SUN1: variants seen among roughly 807,000 people sequenced by gnomAD.
SUN1 encodes Sad1 and UNC84 domain containing 1, also known as SUN domain-containing protein 1.
SUN1 carries 61 observed loss-of-function variants against 103.2 expected under a neutral mutation model. The observed-to-expected ratio is 0.59, with a 90% CI of 0.48 to 0.73. The LOEUF is 0.73. SUN1 is among the 30% of genes least tolerant of loss of function. The pLI, the probability that SUN1 is intolerant of heterozygous loss-of-function variation, is 0.00. For synonymous variants in SUN1, 490 were observed against 425.7 expected, an observed-to-expected ratio of 1.15 and a Z score of -1.86; for missense variants, 1,052 against 1,034.6, an observed-to-expected ratio of 1.02 and a Z score of -0.23.
At chr7:862,324 G>C (rs1832849235) in intron 15 of SUN1, among the ~76,000 whole-genome samples, 1 of 152,188 alleles carries the variant, frequency 6.6e-6, no homozygotes, top group Non-Finnish European at 1.5e-5. Context: ...TGTAGGGCTG[G>C]GTAGGGACTC....
chr7:843,007 C>A, intron 3 of SUN1, 199 bp from the exon 4 acceptor site: 1 of 751,324 alleles, frequency 1.3e-6, no homozygotes, highest in South Asian at 1.8e-5. Flanking sequence ...GTATTTTCTT[C>A]AAGGATAAGC....
At chr7:867,876 A>G (rs1477632775) in intron 16 of SUN1, among the ~76,000 whole-genome samples, 1 of 152,204 alleles carries the variant, frequency 6.6e-6, no homozygotes, top group African/African-American at 2.4e-5. Flanking sequence ...ATGTACCAGC[A>G]TGCTGGGAAA....
chr7:852,054 G>T lies in SUN1; in HGVS notation c.851+11G>T, dbSNP rs542111464. The T allele has an allele frequency of 1.3e-5, 21 of 1,613,246 alleles. No individual in the cohort carries two copies. Among genetic ancestry groups the T allele is most frequent in the Non-Finnish European group, 1.8e-5 (21 of 1,179,218 alleles). Reference sequence around the variant, plus strand: ...GTTTCTTCTTACCAGGTAAGGAAATGGATATCATGTCAGCGTGGTGCTTTA... The same window carrying T: ...GTTTCTTCTTACCAGGTAAGGAAATTGATATCATGTCAGCGTGGTGCTTTA... On this transcript the variant is annotated intron_variant, in intron 7 of 18. Coordinates refer to ENST00000401592, the MANE Select transcript of SUN1 (RefSeq NM_001130965.3).
At chr7:825,651 C>T (rs987571301) in intron 1 of SUN1, among the ~76,000 whole-genome samples, 7 of 152,230 alleles carry the variant, frequency 4.6e-5, no homozygotes, top group African/African-American at 1.7e-4. Context: ...GTAAATCATC[C>T]GGTTTTCATA....
Position 821,295 on chromosome 7 carries a change from G to A in SUN1, c.-74+4622G>A, listed in dbSNP as rs1785756832. Among the ~76,000 whole-genome samples, 3 of 150,862 alleles carry A rather than the reference G, an allele frequency of 2.0e-5. No individual in the cohort carries two copies. The South Asian group carries it at 6.3e-4, about 32-fold the overall frequency. The stretch of plus-strand genomic sequence containing the variant: ...AGTGATTCTCCGGCCTTAGCCTCCT[G>A]AGTAGGTGGGACTACAGGTGCACGC... On this transcript the variant is annotated intron_variant, in intron 1 of 17. Coordinates refer to the SUN1 transcript ENST00000389574.
intron 5 of SUN1, chr7:849,422 C>A (rs1272138749): frequency 1.1e-6 from 1 of 941,858 alleles, no homozygotes; most frequent in Non-Finnish European, 1.5e-6. Flanking sequence ...AGTGGCTAGC[C>A]TTGCACATCC....
At chr7:824,416 C>T (rs57531482) in intron 1 of SUN1, among the ~76,000 whole-genome samples, 5,036 of 152,262 alleles carry the variant, frequency 0.033, 279 homozygotes, top group African/African-American at 0.11. Context: ...CGGTCCCCAT[C>T]GTACTGGTTA....
intron 6 of SUN1, 65 bp downstream of exon 6, chr7:851,547 C>CAAT (rs1562697409): frequency 7.5e-6 from 10 of 1,328,140 alleles, no homozygotes; most frequent in East Asian, 2.5e-5. Flanking sequence ...CACCTGCACT[C>CAAT]GATTTACCTA....
Position 857,028 on chromosome 7 carries a change from C to A in SUN1, c.1394+627C>A, listed in dbSNP as rs564840432. ...GCTCCTCACTCAGGGCGGCTTTCTT[C>A]CACACGACCACTGATTTGCCAAGTC... On this transcript the variant is annotated intron_variant, in intron 12 of 18. Coordinates refer to ENST00000401592, the MANE Select transcript of SUN1 (RefSeq NM_001130965.3). Among the ~76,000 whole-genome samples the A allele has an allele frequency of 2.6e-5, 4 of 152,296 alleles. No individual in the cohort carries two copies. The East Asian group carries it at 7.7e-4, about 29-fold the overall frequency.
chr7:863,939 A>G (rs912870172), intron 15 of SUN1, among the ~76,000 whole-genome samples: 1 of 152,234 alleles, frequency 6.6e-6, no homozygotes, highest in Non-Finnish European at 1.5e-5. Flanking sequence ...TAATTAAGAA[A>G]AGGACTAGTC....
At chr7:831,374 C>T (rs901640648), upstream of SUN1, among the ~76,000 whole-genome samples, 1 of 151,686 alleles carries the variant, frequency 6.6e-6, no homozygotes, top group Non-Finnish European at 1.5e-5. Flanking sequence ...CGGGTTCATG[C>T]CATTCTCCTG....
chr7:839,217 C>G (rs1806574406), intron 2 of SUN1: 2 of 437,770 alleles, frequency 4.6e-6, no homozygotes, highest in South Asian at 7.3e-5. Flanking sequence ...TTCTGCTGTT[C>G]TTGTTTCAAG....
intron 5 of SUN1, 113 bp from the exon 6 acceptor site, chr7:851,271 C>G: frequency 3.6e-6 from 3 of 839,050 alleles, no homozygotes; most frequent in Non-Finnish European, 3.8e-6. Flanking sequence ...AGACTCTTGA[C>G]CCACCGATGC....
chr7:842,868 A>G, intron 3 of SUN1: 1 of 462,046 alleles, frequency 2.2e-6, no homozygotes, highest in East Asian at 4.3e-5. Context: ...GGCAACAGAG[A>G]GGCATCTGCT....
chr7:821,671 C>T (rs1321705143), intron 1 of SUN1, among the ~76,000 whole-genome samples: 4 of 152,084 alleles, frequency 2.6e-5, no homozygotes, highest in African/African-American at 2.4e-5. Context: ...GGGATGAAAG[C>T]ATCCTTCAGC....
intron 1 of SUN1, among the ~76,000 whole-genome samples, chr7:837,346 C>A (rs1040783447): frequency 6.6e-6 from 1 of 152,180 alleles, no homozygotes; most frequent in Non-Finnish European, 1.5e-5. Context: ...TGGTCCGGCT[C>A]CCCTGAGCTG....
At chr7:817,373 G>C in intron 1 of SUN1, 1 of 1,525,806 alleles carries the variant, frequency 6.6e-7, no homozygotes, top group Admixed American at 2.0e-5. Flanking sequence ...TGGTCTCCGC[G>C]CCCTGTTGCG....
chr7:829,854 A>G (rs899146965), upstream of SUN1, among the ~76,000 whole-genome samples: 1 of 152,098 alleles, frequency 6.6e-6, no homozygotes, highest in Admixed American at 6.6e-5. Flanking sequence ...GAGCCCGGCC[A>G]TAACTGTTCT....
At chr7:842,575 G>T (rs78324108) in intron 3 of SUN1, 7,079 of 195,020 alleles carry the variant, frequency 0.036, 140 homozygotes, top group Non-Finnish European at 0.047. Flanking sequence ...CTTAGAGAAT[G>T]CTGCAGGGTG....
Sources: gnomAD v4.1 joint callset for allele counts (sites outside exome capture counted in the v4.1 genomes callset) on GRCh38, gnomAD v4.1.1 for gene constraint, MANE v1.5 for transcripts, NCBI Gene and HGNC (gene_info 2026-07-23, HGNC 2026-07-21) for gene names.